The following EPB41L4A variants were observed in gnomAD, a reference collection of about 807,000 sequenced individuals.
The protein encoded by EPB41L4A is band 4.1-like protein 4A.
EPB41L4A carries 100 observed loss-of-function variants against 108.6 expected under a neutral mutation model. The ratio of observed to expected loss-of-function variants is 0.92; its 90% CI spans 0.78 to 1.09. The LOEUF (loss-of-function observed/expected upper bound fraction) is 1.09. Among genes scored for constraint, EPB41L4A ranks in the 50% least tolerant of loss-of-function variants. The pLI is 0.00. For missense variants in EPB41L4A, 1,030 were observed against 842.7 expected (o/e 1.22, Z -2.75); for synonymous variants, 319 against 289.0 (o/e 1.10, Z -1.05).
intron 2 of EPB41L4A, among the ~76,000 whole-genome samples, chr5:112,289,221 TG>T (rs1753489839): frequency 2.0e-5 from 3 of 152,154 alleles, no homozygotes; most frequent in Non-Finnish European, 4.4e-5. Flanking sequence ...GAGTCTCGTA[TG>T]CATAATAGAA....
chr5:112,307,407 G>A lies in EPB41L4A; in HGVS notation c.183C>T (p.Tyr61=), dbSNP rs753854221. The change falls in exon 2 of 23, where the codon TAC becomes TAT. Residue 61 remains tyrosine, a synonymous_variant. Coordinates refer to ENST00000261486, the MANE Select transcript of EPB41L4A (RefSeq NM_022140.5). ...TCACCGTCTGATGGCTTCTGTCACA[G>A]TAACGTAGCCCAAAATAATCTATCT... ...LVEIDYFGLR[Y]CDRSHQTYWL... is the part of the protein sequence containing the mutation. 23 of 1,611,960 alleles carry A rather than the reference G, an allele frequency of 1.4e-5. No homozygotes were observed. Among genetic ancestry groups the A allele is most frequent in the Non-Finnish European group, 1.9e-5 (22 of 1,178,218 alleles).
chr5:112,305,990 T>C (rs1295182087), intron 2 of EPB41L4A, among the ~76,000 whole-genome samples: 3 of 152,248 alleles, frequency 2.0e-5, no homozygotes, highest in East Asian at 1.9e-4. Flanking sequence ...GTAGGGGCCA[T>C]TGTTTTGAAA....
At chr5:112,348,554 G>A (rs1371509707) in intron 1 of EPB41L4A, among the ~76,000 whole-genome samples, 1 of 152,310 alleles carries the variant, frequency 6.6e-6, no homozygotes, top group Non-Finnish European at 1.5e-5. Context: ...CACTGCAGGG[G>A]AAGGGGAAAC....
intron 1 of EPB41L4A, among the ~76,000 whole-genome samples, chr5:112,327,553 A>C (rs1756254611): frequency 6.6e-6 from 1 of 152,030 alleles, no homozygotes; most frequent in African/African-American, 2.4e-5. Context: ...CCATCTCTAC[A>C]AAAAATTTAA....
intron 17 of EPB41L4A, among the ~76,000 whole-genome samples, chr5:112,185,840 G>A (rs888251736): frequency 2.0e-5 from 3 of 152,010 alleles, no homozygotes; most frequent in Non-Finnish European, 4.4e-5. Flanking sequence ...GTTGGTACCC[G>A]TGTGTGCTGT....
intron 1 of EPB41L4A, among the ~76,000 whole-genome samples, chr5:112,354,644 T>C (rs529632732): frequency 2.0e-5 from 3 of 152,324 alleles, no homozygotes; most frequent in African/African-American, 7.2e-5. Context: ...CCCCATGCCA[T>C]CTAGCTCCCC....
At chr5:112,197,634 C>T (rs1475160521) in intron 15 of EPB41L4A, among the ~76,000 whole-genome samples, 1 of 152,190 alleles carries the variant, frequency 6.6e-6, no homozygotes, top group Non-Finnish European at 1.5e-5. Flanking sequence ...GAGAGAACAG[C>T]AAAACTCCTG....
intron 4 of EPB41L4A, among the ~76,000 whole-genome samples, chr5:112,269,785 C>T (rs1012360579): frequency 6.6e-6 from 1 of 152,070 alleles, no homozygotes; most frequent in South Asian, 2.1e-4. Context: ...AGGAAGTTTC[C>T]AGAATACATT....
chr5:112,375,973 C>T (rs1055410921), intron 1 of EPB41L4A, among the ~76,000 whole-genome samples: 3 of 152,064 alleles, frequency 2.0e-5, no homozygotes, highest in Non-Finnish European at 4.4e-5. Flanking sequence ...GATAACTGTC[C>T]CCAGGGGTTG....
At chr5:112,256,329 A>G (rs1024498208) in intron 9 of EPB41L4A, among the ~76,000 whole-genome samples, 6 of 152,208 alleles carry the variant, frequency 3.9e-5, no homozygotes, top group Non-Finnish European at 5.9e-5. Flanking sequence ...TTATACTGCT[A>G]TAACACTTAG....
intron 1 of EPB41L4A, among the ~76,000 whole-genome samples, chr5:112,358,686 T>C (rs972048990): frequency 2.0e-5 from 3 of 152,194 alleles, no homozygotes; most frequent in Admixed American, 6.5e-5. Context: ...CCCTATGATA[T>C]AGCAATTCCA....
downstream of EPB41L4A, chr5:112,158,406 A>C (rs2114990): frequency 0.2 from 85,116 of 432,692 alleles, 9,503 homozygotes; most frequent in African/African-American, 0.34. Context: ...ATTACCTTTA[A>C]ATGAGGAAAC....
rs142291315 is a variant in EPB41L4A at position 112,199,379 on chromosome 5, C to T, written c.1377-3671G>A. On this transcript the variant is annotated intron_variant, in intron 15 of 22. Transcript: ENST00000261486. ...CATTTGGTATGCAAATTTTCACTCT[C>T]TTGATTTTTCCATGGCCACAATCTC... is the stretch of plus-strand genomic sequence containing the variant. 1.1e-3 allele frequency among the ~76,000 whole-genome samples: 166 copies of T among 152,274 alleles called. 1 individual carries two copies. The highest frequency in any genetic ancestry group is 3.9e-3 in the African/African-American group (160 of 41,546).
downstream of EPB41L4A, chr5:112,161,215 T>A (rs1254122547): frequency 3.6e-6 from 1 of 276,594 alleles, no homozygotes; most frequent in Non-Finnish European, 7.3e-6. Context: ...TGCCCCCGTA[T>A]AAAATAACTT....
At chr5:112,184,673 C>A (rs1761335637) in intron 17 of EPB41L4A, among the ~76,000 whole-genome samples, 2 of 152,076 alleles carry the variant, frequency 1.3e-5, no homozygotes, top group African/African-American at 4.8e-5. Context: ...CTGAATAAGA[C>A]ACACCATTCC....
At chr5:112,348,855 C>T (rs760710260) in intron 1 of EPB41L4A, among the ~76,000 whole-genome samples, 5 of 152,204 alleles carry the variant, frequency 3.3e-5, no homozygotes, top group Admixed American at 2.0e-4. Flanking sequence ...ACTGTTACTA[C>T]GCACAATGTT....
At chr5:112,410,711 C>CATAA (rs1762357984) in intron 1 of EPB41L4A, among the ~76,000 whole-genome samples, 1 of 152,154 alleles carries the variant, frequency 6.6e-6, no homozygotes, top group Non-Finnish European at 1.5e-5. Flanking sequence ...TATTCTTCTA[C>CATAA]AGGTGATCCC....
Position 112,296,829 on chromosome 5 carries a change from GCC to G in EPB41L4A, c.204+10555_204+10556del, listed in dbSNP as rs10542486. Among the ~76,000 whole-genome samples the G allele has an allele frequency of 9.6e-3, 1,464 of 151,874 alleles. 28 individuals are homozygous for G. The highest frequency in any genetic ancestry group is 0.034 in the African/African-American group (1,399 of 41,384). On this transcript the variant is annotated intron_variant, in intron 2 of 22. Coordinates refer to ENST00000261486, the MANE Select transcript of EPB41L4A (RefSeq NM_022140.5). ...TATGCCTTTGCATCCTCATAGCTTAGCCCCCACTTACGAGTGAGAACATACAA... is the reference window on the plus strand; with the variant it reads ...TATGCCTTTGCATCCTCATAGCTTAGCCCACTTACGAGTGAGAACATACAA...
intron 1 of EPB41L4A, among the ~76,000 whole-genome samples, chr5:112,387,885 A>G (rs970084111): frequency 6.6e-6 from 1 of 152,242 alleles, no homozygotes; most frequent in Non-Finnish European, 1.5e-5. Flanking sequence ...AAGTCATAAC[A>G]TACACTTTCT....
Sources: allele counts gnomAD v4.1 joint callset (sites outside exome capture counted in the v4.1 genomes callset), GRCh38; gene constraint gnomAD v4.1.1; transcripts MANE v1.5; gene names NCBI Gene and HGNC (gene_info 2026-07-23, HGNC 2026-07-21).